The following CAPN12 variants were observed in gnomAD, a reference collection of about 807,000 sequenced individuals.
The protein encoded by CAPN12 is calpain-12.
In CAPN12, 107 loss-of-function variants were observed where a neutral mutation model predicts 95.0. The observed-to-expected ratio is 1.13, with a 90% CI of 0.96 to 1.32. The LOEUF (loss-of-function observed/expected upper bound fraction) is 1.32. Ranked by LOEUF, CAPN12 falls within the 40% of genes most tolerant of loss-of-function variation. The pLI is 0.00. For missense variants in CAPN12, 1,136 were observed against 997.8 expected, an observed-to-expected ratio of 1.14 and a Z score of -1.87; for synonymous variants, 505 against 415.5, an observed-to-expected ratio of 1.22 and a Z score of -2.62.
At position 38,736,312 on chromosome 19, in the gene CAPN12, C is replaced by A; in HGVS notation, c.1381G>T (p.Gly461Cys). 6.9e-7 allele frequency: 1 copy of A among 1,441,384 alleles called. No homozygotes were observed. 89.3% of individuals were successfully genotyped at this position (1,441,384 alleles called of 1,614,324 possible). The change falls in exon 12 of 21, where the codon GGC becomes TGC. Residue 461 changes from glycine (G) to cysteine (C), a missense_variant. Gly to Cys is a radical substitution (Grantham distance 159). Coordinates refer to ENST00000328867, the MANE Select transcript of CAPN12 (RefSeq NM_144691.4). Reference sequence around the variant, plus strand: ...TGGCTGCGCGGGGAATCCCAGAGGCCCAGCAGCTGGGGACGGGGCGGCATG... The same window carrying A: ...TGGCTGCGCGGGGAATCCCAGAGGCACAGCAGCTGGGGACGGGGCGGCATG... ...HVFQIPEELL[G>C]LWDSPRSHAL...
intron 3 of CAPN12, 42 bp downstream of exon 3, chr19:38,742,368 C>T: frequency 1.4e-6 from 2 of 1,381,762 alleles, no homozygotes; most frequent in Non-Finnish European, 2.1e-6. Context: ...ACCAAGTCAC[C>T]ATGGGGGAAA....
chr19:38,742,685 A>T (rs1970620328), intron 2 of CAPN12, among the ~76,000 whole-genome samples, 157 bp from the exon 3 acceptor site: 1 of 151,436 alleles, frequency 6.6e-6, no homozygotes, highest in Non-Finnish European at 1.5e-5. Flanking sequence ...AGACTCCACT[A>T]CAAGAAAATT....
At chr19:38,735,917 CGGGGCGGGGCGGGGGTTCTG>C (rs1211389967) in intron 12 of CAPN12, among the ~76,000 whole-genome samples, 173 bp downstream of exon 12, 4 of 7,094 alleles carry the variant, frequency 5.6e-4, no homozygotes, top group African/African-American at 1.6e-3. Flanking sequence ...GGGGGCGGGG[CGGGGCGGGGCGGGGGTTCTG>C]GGGGCGGGGC....
At chr19:38,736,467 T>TCTGACCAAGCCCCAGGGCAGG in intron 11 of CAPN12, 85 bp downstream of exon 11, 2 of 1,422,232 alleles carry the variant, frequency 1.4e-6, no homozygotes, top group Non-Finnish European at 1.9e-6. Flanking sequence ...CCCAGGGCAG[T>TCTGACCAAGCCCCAGGGCAGG]TTGACCAAGC....
chr19:38,731,167 G>T lies in CAPN12; in HGVS notation c.2014C>A (p.Arg672Ser), dbSNP rs760050915. Residue 672 changes from arginine (R) to serine (S), a missense_variant, in exon 19 of 21, where the codon CGT becomes AGT. By Grantham distance (110) the Arg-to-Ser change is moderately radical. Coordinates refer to ENST00000328867, the MANE Select transcript of CAPN12 (RefSeq NM_144691.4). ...AACCGCTCGAAGTCCACACGCAGAC[G>T]GCTATCCCGGTAGCGGCTGGTGAGG... ...QTLTSRYRDSRLRVDFERFVS... is the reference protein window; with the variant it reads ...QTLTSRYRDSSLRVDFERFVS... The T allele has an allele frequency of 6.2e-7, 1 of 1,613,212 alleles. No individual in the cohort carries two copies. Among genetic ancestry groups the T allele is most frequent in the South Asian group, 1.1e-5 (1 of 91,060 alleles).
intron 5 of CAPN12, chr19:38,739,764 A>C: frequency 3.8e-6 from 1 of 263,464 alleles, no homozygotes; most frequent in Non-Finnish European, 7.0e-6. Context: ...ACCTGCAGCT[A>C]TGGGGGATCC....
rs1410800377 is a variant in CAPN12, at chr19:38,735,357, TC to T, written c.1686+12del. On this transcript the variant is annotated intron_variant, in intron 14 of 20. Coordinates refer to ENST00000328867, the MANE Select transcript of CAPN12 (RefSeq NM_144691.4). ...GCAGCGGGATACCCCCTCAGTCCAATCCCCCTCCTCACCTCTCCAGCCAGCT... is the reference window on the plus strand; with the variant it reads ...GCAGCGGGATACCCCCTCAGTCCAATCCCCTCCTCACCTCTCCAGCCAGCT... 3.8e-6 allele frequency: 6 copies of T among 1,569,292 alleles called. No individual in the cohort carries two copies. The highest frequency in any genetic ancestry group is 5.2e-6 in the Non-Finnish European group (6 of 1,154,578).
chr19:38,736,377 C>A, intron 11 of CAPN12, 59 bp from the exon 12 acceptor site: 2 of 1,479,316 alleles, frequency 1.4e-6, no homozygotes, highest in Non-Finnish European at 1.8e-6. Context: ...CATCCCCGCA[C>A]CCTCCAGCGC....
intron 18 of CAPN12, chr19:38,733,341 T>C (rs1969772007): frequency 8.7e-6 from 2 of 229,746 alleles, no homozygotes; most frequent in South Asian, 1.6e-4. Flanking sequence ...GAGTGAGGAT[T>C]CCAACCCCGG....
intron 18 of CAPN12, among the ~76,000 whole-genome samples, chr19:38,732,957 CCAG>C (rs1422590397): frequency 1.6e-4 from 24 of 152,302 alleles, no homozygotes; most frequent in African/African-American, 5.8e-4. Context: ...TGGGCTTGTT[CCAG>C]CTCATCAGGA....
chr19:38,736,681 C>T (rs988501498), intron 10 of CAPN12, 118 bp from the exon 11 acceptor site: 7 of 1,222,534 alleles, frequency 5.7e-6, no homozygotes, highest in Non-Finnish European at 7.8e-6. Context: ...CCTATTAGAC[C>T]CTTATTGAAC....
chr19:38,738,383 G>T, intron 7 of CAPN12, 35 bp downstream of exon 7: 1 of 1,611,104 alleles, frequency 6.2e-7, no homozygotes, highest in Non-Finnish European at 8.5e-7. Context: ...GGGCAGGTGG[G>T]GTCCAGCCCC....
In CAPN12 at chr19:38,730,667, G is replaced by T. The variant is rs2061716734; in HGVS notation, c.*185C>A. 1.5e-6 allele frequency: 1 copy of T among 675,892 alleles called. No homozygotes were observed. Among genetic ancestry groups the T allele is most frequent in the Middle Eastern group, 4.0e-4 (1 of 2,516 alleles). 41.9% of individuals were successfully genotyped at this position (675,892 alleles called of 1,614,324 possible). ...CATCTGCTCGAGAAGGGCTGTCGCT[G>T]TTCTTGTTTCTGAGTGAGGAGTACG... On this transcript the variant is annotated 3_prime_UTR_variant, in exon 21 of 21. Coordinates refer to ENST00000328867, the MANE Select transcript of CAPN12 (RefSeq NM_144691.4).
intron 18 of CAPN12, among the ~76,000 whole-genome samples, chr19:38,732,582 C>A (rs977978948): frequency 6.6e-6 from 1 of 152,218 alleles, no homozygotes; most frequent in Non-Finnish European, 1.5e-5. Context: ...ATCTGGCAAT[C>A]TGCCTGCCTT....
chr19:38,733,866 C>T, intron 17 of CAPN12, 85 bp from the exon 18 acceptor site: 1 of 1,137,800 alleles, frequency 8.8e-7, no homozygotes, highest in Non-Finnish European at 1.3e-6. Context: ...CAGCCTGGTG[C>T]CCATCCCAAC....
upstream of CAPN12, among the ~76,000 whole-genome samples, chr19:38,744,668 T>G (rs1421300875): frequency 6.6e-6 from 1 of 152,132 alleles, no homozygotes; most frequent in African/African-American, 2.4e-5. Context: ...CTCCGCCTTC[T>G]AGGTTCAAGT....
rs543944172 is a variant in CAPN12, at chr19:38,737,085, C to A, written c.1362+71G>T. On this transcript the variant is annotated intron_variant, in intron 10 of 20. Coordinates refer to ENST00000328867, the MANE Select transcript of CAPN12 (RefSeq NM_144691.4). ...TGGCCCCGCCCCTCCATGCCTCCCC[C>A]GCTCCTTGGCCCGGCCCCGCCCCTC... 7 of 1,200,474 alleles carry A rather than the reference C, an allele frequency of 5.8e-6. No individual in the cohort carries two copies. The African/African-American group carries it at 6.2e-5, about 11-fold the overall frequency. 74.4% of individuals were successfully genotyped at this position (1,200,474 alleles called of 1,614,324 possible). A position where few individuals can be genotyped will look rare whatever the true frequency, so the allele number is the denominator to read the frequency against.
intron 2 of CAPN12, among the ~76,000 whole-genome samples, 198 bp from the exon 3 acceptor site, chr19:38,742,726 C>T (rs1970622438): frequency 6.6e-6 from 1 of 151,768 alleles, no homozygotes; most frequent in African/African-American, 2.4e-5. Context: ...TGGCATGCAC[C>T]TGTAGTCCCA....
chr19:38,743,081 A>G lies in CAPN12; in HGVS notation c.259T>C (p.Phe87Leu), dbSNP rs748980822. Reference protein sequence around the residue: ...RPHEFCAEPKFICEDMSRTDV... With the variant: ...RPHEFCAEPKLICEDMSRTDV... ...GTGCGGCTCATGTCTTCACAGATGAACTTCGGCTCAGCACAGAACTCCTGT... is the reference window on the plus strand; with the variant it reads ...GTGCGGCTCATGTCTTCACAGATGAGCTTCGGCTCAGCACAGAACTCCTGT... Residue 87 changes from phenylalanine (F) to leucine (L), a missense_variant, in exon 2 of 21, where the codon TTC becomes CTC. Phe to Leu is a conservative substitution (Grantham distance 22). Transcript: ENST00000328867. 4 of 1,614,020 alleles carry G rather than the reference A, an allele frequency of 2.5e-6. No individual in the cohort carries two copies. The highest frequency in any genetic ancestry group is 3.4e-6 in the Non-Finnish European group (4 of 1,179,970).
Sources: gnomAD v4.1 joint callset for allele counts (sites outside exome capture counted in the v4.1 genomes callset) on GRCh38, gnomAD v4.1.1 for gene constraint, MANE v1.5 for transcripts, NCBI Gene and HGNC (gene_info 2026-07-23, HGNC 2026-07-21) for gene names.